The following SH2D3C variants were observed in gnomAD, a reference collection of about 807,000 sequenced individuals.
SH2D3C encodes the protein SH2 domain-containing protein 3C.
In SH2D3C, 25 loss-of-function variants were observed where a neutral mutation model predicts 75.2. That is an observed-to-expected ratio of 0.33 (90% confidence interval 0.24 to 0.46). The LOEUF (loss-of-function observed/expected upper bound fraction) is 0.46, where lower values mean the gene tolerates loss of function less well. Ranked by LOEUF, SH2D3C falls within the 20% of genes least tolerant of loss-of-function variation. The pLI, the probability that SH2D3C is intolerant of heterozygous loss-of-function variation, is 1.00. For missense variants in SH2D3C, 933 were observed against 1,165.3 expected (o/e 0.80, Z 2.90); for synonymous variants, 450 against 473.7 (o/e 0.95, Z 0.65).
chr9:127,739,882 G>A lies in SH2D3C; in HGVS notation c.2207C>T (p.Pro736Leu), dbSNP rs201758152. ...LKSLNEGKEG[P>L]PLSNTTFPHV... ...AGGAAACGTGGTGTTGCTCAGCGGC[G>A]GGCCTTCTGCAAGGAGAAAGGCAGC... The change falls in exon 11 of 12, where the codon CCG becomes CTG. Residue 736 changes from proline to leucine, a missense_variant. Physicochemically the swap from Pro to Leu is moderately conservative, Grantham distance 98. Coordinates refer to ENST00000314830, the MANE Select transcript of SH2D3C (RefSeq NM_170600.3). This position sits in a 1 kb window ranked among gnomAD's most constrained non-coding sequence, Gnocchi z 4.3. 33 of 1,525,750 alleles carry A rather than the reference G, an allele frequency of 2.2e-5. No individual in the cohort carries two copies. The highest frequency in any genetic ancestry group is 1.6e-4 in the African/African-American group (12 of 72,776). The allele number at this position is 1,525,750 out of a possible 1,614,324, so 94.5% of individuals were successfully genotyped here. A position where few individuals can be genotyped will look rare whatever the true frequency, so the allele number is the denominator to read the frequency against.
chr9:127,754,860 C>T lies in SH2D3C; in HGVS notation c.556-3560G>A. ...CCGGCATCTACCGCAGCCCAGAGTC[C>T]CAGGAGTGGCCGCCGAACCCTCACC... is the stretch of plus-strand genomic sequence containing the variant. On this transcript the variant is annotated intron_variant, in intron 3 of 11. Coordinates refer to ENST00000314830, the MANE Select transcript of SH2D3C (RefSeq NM_170600.3). The surrounding 1 kb of genome is among the most constrained non-coding windows in gnomAD (Gnocchi z 4.4). 1 of 500,076 alleles carries T rather than the reference C, an allele frequency of 2.0e-6. No homozygotes were observed. Among genetic ancestry groups the T allele is most frequent in the South Asian group, 1.5e-5 (1 of 64,700 alleles). 31.0% of individuals were successfully genotyped at this position (500,076 alleles called of 1,614,324 possible).
chr9:127,755,617 A>G (rs1017996237), intron 3 of SH2D3C, among the ~76,000 whole-genome samples: 129 of 152,178 alleles, frequency 8.5e-4, no homozygotes, highest in African/African-American at 2.9e-3. Context: ...AAAAATCCGT[A>G]TATGTGCTGG....
At chr9:127,746,129 T>A (rs895847543) in intron 6 of SH2D3C, among the ~76,000 whole-genome samples, 12 of 152,206 alleles carry the variant, frequency 7.9e-5, no homozygotes, top group African/African-American at 2.7e-4. Context: ...TTAGAAACTG[T>A]CCAATAAGTC....
intron 2 of SH2D3C, among the ~76,000 whole-genome samples, chr9:127,773,349 G>T (rs901512268): frequency 1.5e-4 from 23 of 152,126 alleles, no homozygotes; most frequent in Admixed American, 1.1e-3. Flanking sequence ...TCTAGTGACT[G>T]GGTTTAGGAC....
At position 127,744,801 on chromosome 9, in the gene SH2D3C, A is replaced by G; in HGVS notation, c.1563T>C (p.Tyr521=). The change falls in exon 7 of 12, where the codon TAT becomes TAC. Residue 521 remains tyrosine (Y), a synonymous_variant. Transcript: ENST00000314830. ...CTGACAGTTCCTTTAGCCTCTCCCC[A>G]TAGCTCCTGGCCTGCTGGCTGGAGG... ...TETSSQQARS[Y]GERLKELSEN... 1 of 1,614,102 alleles carries G rather than the reference A, an allele frequency of 6.2e-7. No homozygotes were observed. Among genetic ancestry groups the G allele is most frequent in the Non-Finnish European group, 8.5e-7 (1 of 1,180,012 alleles).
chr9:127,757,314 C>G (rs1845409926), intron 3 of SH2D3C, among the ~76,000 whole-genome samples: 1 of 148,922 alleles, frequency 6.7e-6, no homozygotes, highest in South Asian at 2.1e-4. Flanking sequence ...CTCTGTCGCC[C>G]GGTTGGAGTG....
At chr9:127,777,419 C>T (rs1236929214) in intron 1 of SH2D3C, among the ~76,000 whole-genome samples, 7 of 149,862 alleles carry the variant, frequency 4.7e-5, no homozygotes, top group South Asian at 2.1e-4. Context: ...ATCCCCCTGC[C>T]GCCCCAGTAA....
intron 2 of SH2D3C, among the ~76,000 whole-genome samples, chr9:127,771,826 G>T (rs575234945): frequency 6.6e-6 from 1 of 152,382 alleles, no homozygotes; most frequent in South Asian, 2.1e-4. Context: ...GGCAGCCGGG[G>T]ATGGTGGAAA....
intron 2 of SH2D3C, chr9:127,762,116 CTT>C: frequency 2.0e-6 from 2 of 1,010,830 alleles, no homozygotes; most frequent in Non-Finnish European, 2.5e-6. Context: ...AGCCCGTCCT[CTT>C]ACCCTGCACT....
Position 127,749,653 on chromosome 9 carries a change from A to G in SH2D3C, c.697T>C (p.Leu233=). ...AGGAAGTCGCCGTTGCGTTGTACCA[A>G]GGTCTCCGAGACCTGCAGAAGGCAT... ...GRIPREVSET[L]VQRNGDFLIR... is the part of the protein sequence containing the mutation. Residue 233 remains leucine (L), a synonymous_variant, in exon 5 of 12, where the codon TTG becomes CTG. Transcript: ENST00000314830. The surrounding 1 kb of genome is among the most constrained non-coding windows in gnomAD (Gnocchi z 5.9). The G allele has an allele frequency of 1.9e-6, 3 of 1,550,130 alleles. No individual in the cohort carries two copies. Among genetic ancestry groups the G allele is most frequent in the Non-Finnish European group, 2.6e-6 (3 of 1,151,730 alleles).
chr9:127,756,944 T>C (rs866503802), intron 3 of SH2D3C, among the ~76,000 whole-genome samples: 7 of 152,134 alleles, frequency 4.6e-5, no homozygotes, highest in Admixed American at 1.3e-4. Context: ...TTCTTGTTTT[T>C]TTGAGACAGA....
At chr9:127,756,950 A>G (rs1193854706) in intron 3 of SH2D3C, among the ~76,000 whole-genome samples, 1 of 151,602 alleles carries the variant, frequency 6.6e-6, no homozygotes, top group Non-Finnish European at 1.5e-5. Context: ...TTTTTTTGAG[A>G]CAGAGTTTTG....
chr9:127,770,320 G>C (rs10760499), intron 2 of SH2D3C, among the ~76,000 whole-genome samples: 40,656 of 152,046 alleles, frequency 0.27, 6,962 homozygotes, highest in East Asian at 0.65. Flanking sequence ...TGTCTCCCCA[G>C]CTTAGGCCTG....
intron 5 of SH2D3C, among the ~76,000 whole-genome samples, chr9:127,748,303 GT>G (rs554595523): frequency 0.036 from 5,478 of 152,186 alleles, 139 homozygotes; most frequent in African/African-American, 0.073. Context: ...ATGTTTACTG[GT>G]TCCCAACCAC....
At chr9:127,763,866 T>C (rs773187109) in intron 2 of SH2D3C, among the ~76,000 whole-genome samples, 2 of 152,200 alleles carry the variant, frequency 1.3e-5, no homozygotes, top group African/African-American at 2.4e-5. Context: ...TAGAAAGCCC[T>C]AGCTGGTAAC....
chr9:127,742,270 C>G (rs1844885653), intron 8 of SH2D3C, among the ~76,000 whole-genome samples: 1 of 152,194 alleles, frequency 6.6e-6, no homozygotes, highest in Non-Finnish European at 1.5e-5. Context: ...GAGTCTCGCT[C>G]TTGTCGCCCA....
At position 127,747,136 on chromosome 9, in the gene SH2D3C, G is replaced by A. The variant is rs748683047; in HGVS notation, c.1264+11C>T. 10 of 1,611,980 alleles carry A rather than the reference G, an allele frequency of 6.2e-6. No individual in the cohort carries two copies. The highest frequency in any genetic ancestry group is 4.0e-5 in the African/African-American group (3 of 74,834). ...TCCCTCCACCTGCTCCACCCCCTCT[G>A]CTGGCCATACCAGTGCTGTAGGCAG... is the stretch of plus-strand genomic sequence containing the variant. On this transcript the variant is annotated intron_variant, in intron 6 of 11. Coordinates refer to ENST00000314830, the MANE Select transcript of SH2D3C (RefSeq NM_170600.3).
chr9:127,753,176 G>T (rs1377803644), intron 3 of SH2D3C, among the ~76,000 whole-genome samples: 1 of 152,168 alleles, frequency 6.6e-6, no homozygotes, highest in African/African-American at 2.4e-5. Context: ...GTTTGGAAGT[G>T]TTGGGGCAGG....
Position 127,741,721 on chromosome 9 carries a change from T to C in SH2D3C, c.2088+67A>G, listed in dbSNP as rs1026639404. On this transcript the variant is annotated intron_variant, in intron 9 of 11. Coordinates refer to ENST00000314830, the MANE Select transcript of SH2D3C (RefSeq NM_170600.3). ...CTCCTCCTGATTCCATATACAGCCA[T>C]CCCAAAGGCACCCCAGGGCTCTTCC... 3.2e-6 allele frequency: 5 copies of C among 1,546,264 alleles called. No individual in the cohort carries two copies. The African/African-American group carries it at 4.1e-5, about 13-fold the overall frequency.
Sources: allele counts gnomAD v4.1 joint callset (sites outside exome capture counted in the v4.1 genomes callset), GRCh38; gene constraint gnomAD v4.1.1; non-coding constraint Gnocchi (gnomAD v3.1); transcripts MANE v1.5; gene names NCBI Gene and HGNC (gene_info 2026-07-23, HGNC 2026-07-21).